Variants in DLG4 observed in about 807,000 individuals in gnomAD.
DLG4 encodes discs large MAGUK scaffold protein 4.
A neutral mutation model predicts 93.8 loss-of-function variants in DLG4; 7 were observed. The observed-to-expected ratio is 0.07, with a 90% CI of 0.04 to 0.14. The LOEUF (loss-of-function observed/expected upper bound fraction) is 0.14, where lower values mean the gene tolerates loss of function less well. DLG4 is among the 10% of genes least tolerant of loss of function. The pLI, the probability that DLG4 is intolerant of heterozygous loss-of-function variation, is 1.00. For synonymous variants in DLG4, 341 were observed against 387.6 expected, an observed-to-expected ratio of 0.88 and a Z score of 1.41; for missense variants, 545 against 992.9, an observed-to-expected ratio of 0.55 and a Z score of 6.06.
intron 8 of DLG4, among the ~76,000 whole-genome samples, chr17:7,199,717 G>A (rs1432162461): frequency 2.0e-5 from 3 of 151,760 alleles, no homozygotes; most frequent in Admixed American, 6.6e-5. Flanking sequence ...GGTGGCTCAG[G>A]CCTGTAATCC....
At chr17:7,216,983 CTAAAT>C (rs1377886223) in intron 1 of DLG4, 130 bp downstream of exon 1, 1 of 878,728 alleles carries the variant, frequency 1.1e-6, no homozygotes, top group African/African-American at 1.7e-5. Context: ...AACCCCAAAA[CTAAAT>C]TAAGACCCCC....
chr17:7,196,654 C>G lies in DLG4; in HGVS notation c.1084-79G>C. ...GTCCAGGTGGAGCAGGGAGTGGTCC[C>G]GCAAGAGGACTCGGCTGCAGCCCAT... On this transcript the variant is annotated intron_variant, in intron 9 of 19. Transcript: ENST00000399506. This position sits in a 1 kb window ranked among gnomAD's most constrained non-coding sequence, Gnocchi z 8.3. 3.1e-6 allele frequency: 5 copies of G among 1,591,428 alleles called. No individual in the cohort carries two copies. The highest frequency in any genetic ancestry group is 3.4e-6 in the Non-Finnish European group (4 of 1,166,060).
At chr17:7,198,761 T>C (rs1042807729) in intron 8 of DLG4, among the ~76,000 whole-genome samples, 49 of 150,802 alleles carry the variant, frequency 3.2e-4, no homozygotes, top group African/African-American at 1.1e-3. Context: ...GGCAGGAGAA[T>C]TGCTGGAACC....
At chr17:7,198,300 T>C (rs1238735755) in intron 8 of DLG4, among the ~76,000 whole-genome samples, 1 of 151,638 alleles carries the variant, frequency 6.6e-6, no homozygotes, top group Non-Finnish European at 1.5e-5. Context: ...CTGGCTAACA[T>C]GGTGAAATCC....
Position 7,193,731 on chromosome 17 carries a change from C to T in DLG4, c.1544-17G>A. 4 of 1,595,534 alleles carry T rather than the reference C, an allele frequency of 2.5e-6. No individual in the cohort carries two copies. Among genetic ancestry groups the T allele is most frequent in the Non-Finnish European group, 3.4e-6 (4 of 1,169,950 alleles). On this transcript the variant is annotated splice_polypyrimidine_tract_variant and intron_variant, in intron 14 of 19. Coordinates refer to ENST00000399506, the MANE Select transcript of DLG4 (RefSeq NM_001321075.3). The surrounding 1 kb of genome is among the most constrained non-coding windows in gnomAD (Gnocchi z 6.7). Reference sequence around the variant, plus strand: ...CTTCTCGACCTGGTGGGAGGTGGGGCATCTGCAAGGGGCTCTGAAACAGGG... The same window carrying T: ...CTTCTCGACCTGGTGGGAGGTGGGGTATCTGCAAGGGGCTCTGAAACAGGG...
chr17:7,219,913 C>CGAGGACGTGGGCGTG (rs1555527381), upstream of DLG4: 10 of 677,066 alleles, frequency 1.5e-5, no homozygotes, highest in Admixed American at 3.0e-4. Flanking sequence ...GTTAGGGGCG[C>CGAGGACGTGGGCGTG]CAGGACGTGG....
Position 7,217,273 on chromosome 17 carries a change from G to A in DLG4, c.-126C>T. The A allele has an allele frequency of 8.2e-7, 1 of 1,220,776 alleles. No homozygotes were observed. Among genetic ancestry groups the A allele is most frequent in the East Asian group, 3.2e-5 (1 of 31,154 alleles). 75.6% of individuals were successfully genotyped at this position (1,220,776 alleles called of 1,614,324 possible). On this transcript the variant is annotated 5_prime_UTR_variant, in exon 1 of 20. Coordinates refer to ENST00000399506, the MANE Select transcript of DLG4 (RefSeq NM_001321075.3). ...ACTTTTGCAGGGGGGGCCAGGATGG[G>A]GGGAGGGGTGAGAGGGGAAGGAGGG...
At chr17:7,214,286 G>T (rs1276979600) in intron 1 of DLG4, among the ~76,000 whole-genome samples, 2 of 152,078 alleles carry the variant, frequency 1.3e-5, no homozygotes, top group East Asian at 1.9e-4. Context: ...TACGCACGGG[G>T]GGCCACGCCA....
intron 1 of DLG4, among the ~76,000 whole-genome samples, chr17:7,210,782 C>G (rs1248981544): frequency 6.6e-6 from 1 of 152,100 alleles, no homozygotes; most frequent in East Asian, 1.9e-4. Context: ...CACTCCACCT[C>G]AGAGAGAAAA....
chr17:7,203,701 C>G lies in DLG4; in HGVS notation c.326G>C (p.Gly109Ala). 6.2e-7 allele frequency: 1 copy of G among 1,613,982 alleles called. No individual in the cohort carries two copies. The highest frequency in any genetic ancestry group is 2.2e-5 in the East Asian group (1 of 44,870). The change falls in exon 5 of 20, where the codon GGC becomes GCC. Residue 109 changes from glycine to alanine, a missense_variant. By Grantham distance (60) the Gly-to-Ala change is moderately conservative (BLOSUM62 0). Around this residue, in one of 5 missense-constraint regions of DLG4, gnomAD observed 33 missense variants for 107.5 expected, o/e 0.31. Transcript: ENST00000399506. This position sits in a 1 kb window ranked among gnomAD's most constrained non-coding sequence, Gnocchi z 7.2. ...TGTCTCCTCTCCCCACCTGAGGCGG[C>G]CATCCTGGGCCGCAGCCCCACCAGG... The part of the protein sequence containing the change: ...IIPGGAAAQD[G>A]RLRVNDSILF...
rs1490100068 is a variant in DLG4, at chr17:7,193,009, G to A, written c.1802C>T (p.Ala601Val). The A allele has an allele frequency of 6.2e-7, 1 of 1,613,746 alleles. No individual in the cohort carries two copies. The highest frequency in any genetic ancestry group is 8.5e-7 in the Non-Finnish European group (1 of 1,179,774). The change falls in exon 17 of 20, where the codon GCC becomes GTC. Residue 601 changes from alanine (A) to valine (V), a missense_variant. Ala to Val is a moderately conservative substitution (Grantham distance 64). Around this residue, in one of 5 missense-constraint regions of DLG4, gnomAD observed 428 missense variants for 741.4 expected, o/e 0.58. Coordinates refer to ENST00000399506, the MANE Select transcript of DLG4 (RefSeq NM_001321075.3). The surrounding 1 kb of genome is among the most constrained non-coding windows in gnomAD (Gnocchi z 6.7). The stretch of plus-strand genomic sequence containing the variant: ...ATAGAGGTGGCTGTTGTACTGGCCG[G>A]CCTCAATGAACTTGTGCGCCTGAAT... ...KDIQAHKFIE[A>V]GQYNSHLYGT...
rs1433583259 is a variant in DLG4, at chr17:7,194,254, AC to A, written c.1478+64del. On this transcript the variant is annotated intron_variant, in intron 12 of 19. Coordinates refer to ENST00000399506, the MANE Select transcript of DLG4 (RefSeq NM_001321075.3). The surrounding 1 kb of genome is among the most constrained non-coding windows in gnomAD (Gnocchi z 4.4). ...CAAACCCATCCCCTGTTGGCTGCCC[AC>A]CCCGGGGGACCTTGGGAACTTCAGT... 1.2e-5 allele frequency: 18 copies of A among 1,538,328 alleles called. No individual in the cohort carries two copies. The highest frequency in any genetic ancestry group is 1.5e-5 in the Non-Finnish European group (17 of 1,139,782).
chr17:7,208,304 CT>C lies in DLG4; in HGVS notation c.31-66del. 2 of 1,285,188 alleles carry C rather than the reference CT, an allele frequency of 1.6e-6. No homozygotes were observed. Among genetic ancestry groups the C allele is most frequent in the Middle Eastern group, 2.3e-4 (1 of 4,318 alleles). 79.6% of individuals were successfully genotyped at this position (1,285,188 alleles called of 1,614,324 possible). On this transcript the variant is annotated intron_variant, in intron 1 of 19. Transcript: ENST00000399506. The surrounding 1 kb of genome is among the most constrained non-coding windows in gnomAD (Gnocchi z 5.4). ...TGCCTCAGGCTCCAGGCTGGCCGCC[CT>C]GGCCGCCGCCTCTTCCCCCAGCCAG...
In DLG4 at chr17:7,188,881, C is replaced by G. The variant is rs1259793082; in HGVS notation, c.*1827G>C. 2.6e-5 allele frequency among the ~76,000 whole-genome samples: 4 copies of G among 151,956 alleles called. No individual in the cohort carries two copies. Among genetic ancestry groups the G allele is most frequent in the Admixed American group, 6.6e-5 (1 of 15,250 alleles). ...AATCTTAACACTGTGGGAGGCCAAGCTGGGCGGATCACCTGAGGTCAGGAG... is the reference window on the plus strand; with the variant it reads ...AATCTTAACACTGTGGGAGGCCAAGGTGGGCGGATCACCTGAGGTCAGGAG... On this transcript the variant is annotated 3_prime_UTR_variant, in exon 20 of 20. Transcript: ENST00000399506.
chr17:7,196,989 G>C lies in DLG4; in HGVS notation c.851C>G (p.Thr284Arg). Residue 284 changes from threonine (T) to arginine (R), a missense_variant, in exon 9 of 20, where the codon ACA (threonine) becomes AGA (arginine). This residue lies in a region of DLG4 where 428 missense variants were observed against 741.4 expected (regional missense o/e 0.58). Transcript: ENST00000399506. The surrounding 1 kb of genome is among the most constrained non-coding windows in gnomAD (Gnocchi z 8.3). ...CCGAGGGGAAGTGGGGGTCATGGCT[G>C]TGGGGTAGTCGGTGCCCAGGTAGCT... ...HSSYLGTDYP[T>R]AMTPTSPRRY... is the part of the protein sequence containing the mutation. The C allele has an allele frequency of 6.2e-7, 1 of 1,613,766 alleles. No individual in the cohort carries two copies. Among genetic ancestry groups the C allele is most frequent in the Non-Finnish European group, 8.5e-7 (1 of 1,179,796 alleles).
At position 7,190,533 on chromosome 17, in the gene DLG4, G is replaced by A. The variant is rs550814978; in HGVS notation, c.*175C>T. 2.1e-5 allele frequency: 13 copies of A among 608,050 alleles called. No individual in the cohort carries two copies. Among genetic ancestry groups the A allele is most frequent in the African/African-American group, 5.5e-5 (3 of 54,216 alleles). The allele number at this position is 608,050 out of a possible 1,614,324, so 37.7% of individuals were successfully genotyped here. On this transcript the variant is annotated 3_prime_UTR_variant, in exon 20 of 20. Coordinates refer to ENST00000399506, the MANE Select transcript of DLG4 (RefSeq NM_001321075.3). The stretch of plus-strand genomic sequence containing the variant: ...GTTCAGGAGCCCAGTTCTGGGGTGC[G>A]GGGATACATGCAGAGGAGTGTCCCC...
At chr17:7,214,016 C>A (rs2070807680) in intron 1 of DLG4, 8 of 360,642 alleles carry the variant, frequency 2.2e-5, no homozygotes, top group South Asian at 1.7e-4. Context: ...AGACCCTTCC[C>A]CATCCCCCAT....
Position 7,217,112 on chromosome 17 carries a change from G to T in DLG4, c.30+6C>A, listed in dbSNP as rs2070953783. The T allele has an allele frequency of 7.8e-7, 1 of 1,288,700 alleles. No homozygotes were observed. Among genetic ancestry groups the T allele is most frequent in the Non-Finnish European group, 9.8e-7 (1 of 1,016,180 alleles). 79.8% of individuals were successfully genotyped at this position (1,288,700 alleles called of 1,614,324 possible). A position where few individuals can be genotyped will look rare whatever the true frequency, so the allele number is the denominator to read the frequency against. Reference sequence around the variant, plus strand: ...CCCCAGTTTATAGCCCCCCCATCATGCTTACCTTGGTTGTCACTATACAGA... The same window carrying T: ...CCCCAGTTTATAGCCCCCCCATCATTCTTACCTTGGTTGTCACTATACAGA... On this transcript the variant is annotated splice_donor_region_variant and intron_variant, in intron 1 of 19. Transcript: ENST00000399506.
chr17:7,217,084 T>G, intron 1 of DLG4, 34 bp downstream of exon 1: 4 of 1,265,764 alleles, frequency 3.2e-6, no homozygotes, highest in East Asian at 3.1e-5. Context: ...ACTCATACCC[T>G]CCCCCCAGTT....
Sources: gnomAD v4.1 joint callset for allele counts (sites outside exome capture counted in the v4.1 genomes callset) on GRCh38, gnomAD v4.1.1 for gene constraint, gnomAD v4.1.1 regional missense constraint, Gnocchi (gnomAD v3.1) non-coding constraint, MANE v1.5 for transcripts, NCBI Gene and HGNC (gene_info 2026-07-23, HGNC 2026-07-21) for gene names.